OSBPL6: variants seen among roughly 807,000 people sequenced by gnomAD.
The protein encoded by OSBPL6 is oxysterol-binding protein-related protein 6.
A neutral mutation model predicts 125.8 loss-of-function variants in OSBPL6; 49 were observed. That is an observed-to-expected ratio of 0.39 (90% confidence interval 0.31 to 0.49). OSBPL6 has a LOEUF of 0.49. OSBPL6 is among the 20% of genes least tolerant of loss of function. OSBPL6 has a pLI of 0.88. For missense variants in OSBPL6, 986 were observed against 1,135.4 expected (o/e 0.87, Z 1.89); for synonymous variants, 394 against 391.8 (o/e 1.01, Z -0.07).
chr2:178,347,120 T>C (rs1185971569), intron 11 of OSBPL6, among the ~76,000 whole-genome samples: 2 of 151,794 alleles, frequency 1.3e-5, no homozygotes. Flanking sequence ...GAAATAATAA[T>C]TTATCTCAGG....
In OSBPL6 at chr2:178,261,986, A is replaced by G. The variant is rs187495798; in HGVS notation, c.-350-22941A>G. Among the ~76,000 whole-genome samples, 481 of 152,284 alleles carry G rather than the reference A, an allele frequency of 3.2e-3. 2 individuals are homozygous for G. Among genetic ancestry groups the G allele is most frequent in the Middle Eastern group, 0.01 (3 of 294 alleles). On this transcript the variant is annotated intron_variant, in intron 1 of 24. Coordinates refer to ENST00000190611, the MANE Select transcript of OSBPL6 (RefSeq NM_032523.4). The stretch of plus-strand genomic sequence containing the variant: ...TCACCATTTTTGTCAGATTTCTCCT[A>G]CTGATCCTAAACTTTAATGTTGCTG...
intron 13 of OSBPL6, among the ~76,000 whole-genome samples, chr2:178,368,224 G>A (rs1038143442): frequency 5.9e-5 from 9 of 152,266 alleles, no homozygotes; most frequent in East Asian, 5.8e-4. Context: ...AGCTCATGGC[G>A]CTTGGTTGTA....
chr2:178,257,415 A>G (rs913829791), intron 1 of OSBPL6, among the ~76,000 whole-genome samples: 3 of 152,218 alleles, frequency 2.0e-5, no homozygotes, highest in Non-Finnish European at 4.4e-5. Context: ...CGTTTTTATT[A>G]TACATACTTC....
At chr2:178,196,902 C>T (rs1469885681) in intron 1 of OSBPL6, among the ~76,000 whole-genome samples, 1 of 151,984 alleles carries the variant, frequency 6.6e-6, no homozygotes, top group Admixed American at 6.6e-5. Context: ...CTTTTTTTTC[C>T]TCACTCAATA....
chr2:178,198,561 A>G (rs1004267520), intron 1 of OSBPL6, among the ~76,000 whole-genome samples: 1 of 145,562 alleles, frequency 6.9e-6, no homozygotes, highest in Admixed American at 6.9e-5. Context: ...CAGATGTTGC[A>G]GTGAGCCGAG....
rs376769363 is a variant in OSBPL6 at position 178,388,997 on chromosome 2, A to G, written c.2157-12A>G. The G allele has an allele frequency of 4.3e-6, 7 of 1,612,966 alleles. No individual in the cohort carries two copies. In the African/African-American group the frequency reaches 8.0e-5, roughly 18 times the overall value. ...CTTGGTTGTTTTTCATCAGTGTTACATTCTTCACTAGGTATGGAGATTACT... is the reference window on the plus strand; with the variant it reads ...CTTGGTTGTTTTTCATCAGTGTTACGTTCTTCACTAGGTATGGAGATTACT... On this transcript the variant is annotated splice_polypyrimidine_tract_variant and intron_variant, in intron 20 of 24. Transcript: ENST00000190611.
chr2:178,365,516 A>G (rs1692747716), intron 13 of OSBPL6, among the ~76,000 whole-genome samples: 1 of 151,900 alleles, frequency 6.6e-6, no homozygotes, highest in African/African-American at 2.4e-5. Context: ...CTCTACTAAA[A>G]ATACAAAAAA....
intron 1 of OSBPL6, among the ~76,000 whole-genome samples, chr2:178,201,846 GACAGTGTTCCCATGACCATTCTT>G (rs1574465881): frequency 6.6e-6 from 1 of 152,204 alleles, no homozygotes; most frequent in African/African-American, 2.4e-5. Context: ...AAGTGTGCCT[GACAGTGTTCCCATGACCATTCTT>G]ACATGTGCTT....
At chr2:178,366,109 C>T (rs951830401) in intron 13 of OSBPL6, among the ~76,000 whole-genome samples, 1 of 152,150 alleles carries the variant, frequency 6.6e-6, no homozygotes, top group African/African-American at 2.4e-5. Flanking sequence ...CCAGGCTGGT[C>T]TCGAACTCGT....
chr2:178,315,986 A>G (rs1687703757), intron 3 of OSBPL6, among the ~76,000 whole-genome samples: 1 of 152,208 alleles, frequency 6.6e-6, no homozygotes, highest in African/African-American at 2.4e-5. Flanking sequence ...CAAACAGAAA[A>G]TCTTACCTCC....
At chr2:178,382,339 T>G (rs1057125732) in intron 15 of OSBPL6, 81 bp from the exon 16 acceptor site, 70 of 1,480,074 alleles carry the variant, frequency 4.7e-5, no homozygotes, top group South Asian at 3.4e-4. Context: ...AACAATATTT[T>G]GTTATTTTTA....
chr2:178,195,045 G>A (rs751423070), intron 1 of OSBPL6, among the ~76,000 whole-genome samples: 50 of 152,176 alleles, frequency 3.3e-4, no homozygotes, highest in Non-Finnish European at 1.0e-4. Flanking sequence ...GCTGCCTGGG[G>A]ATTGAAGCAG....
chr2:178,372,047 A>G (rs763801690), intron 13 of OSBPL6, 79 bp from the exon 14 acceptor site: 123 of 1,063,948 alleles, frequency 1.2e-4, no homozygotes, highest in Non-Finnish European at 1.6e-4. Context: ...ATTATTGTCT[A>G]ACTTGTACCT....
chr2:178,289,297 TG>T lies in OSBPL6; in HGVS notation c.-156+4177del, dbSNP rs550665443. 1.4e-3 allele frequency among the ~76,000 whole-genome samples: 209 copies of T among 152,292 alleles called. 1 individual carries two copies. The highest frequency in any genetic ancestry group is 6.8e-3 in the Middle Eastern group (2 of 294). On this transcript the variant is annotated intron_variant, in intron 2 of 24. Coordinates refer to ENST00000190611, the MANE Select transcript of OSBPL6 (RefSeq NM_032523.4). ...TCCCAGAGTGCTGGGATTACAGGCG[TG>T]AGCTACTGTGCCCAGCCAGTTTTTG...
At chr2:178,234,800 G>A (rs536430041) in intron 1 of OSBPL6, among the ~76,000 whole-genome samples, 51 of 152,206 alleles carry the variant, frequency 3.4e-4, no homozygotes, top group Non-Finnish European at 6.8e-4. Flanking sequence ...TACCTATTAC[G>A]AAACCCATTT....
intron 1 of OSBPL6, among the ~76,000 whole-genome samples, chr2:178,218,560 A>G (rs1260845757): frequency 6.6e-6 from 1 of 151,140 alleles, no homozygotes; most frequent in African/African-American, 2.4e-5. Flanking sequence ...CATCTTTTCC[A>G]TGATTCTCTT....
intron 2 of OSBPL6, among the ~76,000 whole-genome samples, chr2:178,297,721 C>T (rs1350138133): frequency 7.9e-5 from 12 of 152,104 alleles, no homozygotes; most frequent in South Asian, 2.1e-4. Context: ...TGCAGATTGG[C>T]GTGACAATTC....
chr2:178,364,212 A>G (rs994602387), intron 13 of OSBPL6, among the ~76,000 whole-genome samples: 6 of 152,230 alleles, frequency 3.9e-5, no homozygotes, highest in African/African-American at 9.6e-5. Flanking sequence ...TAGCTGATTA[A>G]GTAGGCAAGA....
chr2:178,298,064 C>G (rs1438623305), intron 2 of OSBPL6, among the ~76,000 whole-genome samples: 2 of 152,162 alleles, frequency 1.3e-5, no homozygotes, highest in Non-Finnish European at 2.9e-5. Context: ...TACCTTCTGT[C>G]TTTATACATT....
Sources: gnomAD v4.1 joint callset for allele counts (sites outside exome capture counted in the v4.1 genomes callset) on GRCh38, gnomAD v4.1.1 for gene constraint, MANE v1.5 for transcripts, NCBI Gene and HGNC (gene_info 2026-07-23, HGNC 2026-07-21) for gene names.